The following EYS variants were observed in gnomAD, a reference collection of about 807,000 sequenced individuals.
EYS encodes EGF-like photoreceptor maintenance factor.
In EYS, 250 loss-of-function variants were observed where a neutral mutation model predicts 282.1. The ratio of observed to expected loss-of-function variants is 0.89; its 90% CI spans 0.80 to 0.98. The LOEUF (loss-of-function observed/expected upper bound fraction) is 0.98, where lower values mean the gene tolerates loss of function less well. EYS is among the 50% of genes least tolerant of loss of function. The probability of loss-of-function intolerance (pLI) is 0.00; values close to 1 mark genes in which losing one functional copy is unlikely to be tolerated. For missense variants in EYS, 4,016 were observed against 3,709.0 expected, an observed-to-expected ratio of 1.08 and a Z score of -2.15; for synonymous variants, 1,355 against 1,282.9, an observed-to-expected ratio of 1.06 and a Z score of -1.20.
rs117114526 is a variant in EYS at position 65,213,373 on chromosome 6, C to T, written c.2023+82490G>A. On this transcript the variant is annotated intron_variant, in intron 12 of 42. Coordinates refer to ENST00000503581, the MANE Select transcript of EYS (RefSeq NM_001142800.2). The stretch of plus-strand genomic sequence containing the variant: ...CCTTTGTTTTTACAATACAGACATG[C>T]CTTGTTTTATTATTCTTTGCTTAAT... Among the ~76,000 whole-genome samples, 163 of 152,188 alleles carry T rather than the reference C, an allele frequency of 1.1e-3. 1 individual carries two copies. In the East Asian group the frequency reaches 0.028, roughly 26 times the overall value.
chr6:64,871,887 G>A (rs1319008993), intron 19 of EYS, among the ~76,000 whole-genome samples: 1 of 151,950 alleles, frequency 6.6e-6, no homozygotes, highest in Non-Finnish European at 1.5e-5. Flanking sequence ...AGCCAACCAA[G>A]GATTGACAAC....
At chr6:65,699,432 C>CAA (rs138706833) in intron 1 of EYS, among the ~76,000 whole-genome samples, 4 of 145,086 alleles carry the variant, frequency 2.8e-5, no homozygotes, top group South Asian at 4.4e-4. Context: ...AATTACAAAA[C>CAA]AAAAAAAAAA....
At chr6:64,370,121 T>C (rs1772315936) in intron 29 of EYS, among the ~76,000 whole-genome samples, 1 of 152,096 alleles carries the variant, frequency 6.6e-6, no homozygotes, top group African/African-American at 2.4e-5. Context: ...TCAAGGGGAT[T>C]ATTTCCAGCT....
chr6:64,863,852 A>G (rs1298949632), intron 19 of EYS, among the ~76,000 whole-genome samples: 1 of 151,988 alleles, frequency 6.6e-6, no homozygotes, highest in Non-Finnish European at 1.5e-5. Flanking sequence ...TTAAATTATT[A>G]TTTTTTTCCT....
chr6:64,925,504 G>C (rs1413197556), intron 15 of EYS, among the ~76,000 whole-genome samples: 1 of 152,170 alleles, frequency 6.6e-6, no homozygotes, highest in Non-Finnish European at 1.5e-5. Flanking sequence ...TAATGAGCAA[G>C]GGTGGTGTGA....
chr6:63,994,954 A>G (rs1345375912), intron 34 of EYS, among the ~76,000 whole-genome samples: 1 of 151,980 alleles, frequency 6.6e-6, no homozygotes, highest in African/African-American at 2.4e-5. Context: ...AAAATGCTTC[A>G]TTAGTTTTGA....
chr6:65,663,664 A>T (rs1206937679), intron 1 of EYS, among the ~76,000 whole-genome samples: 1 of 151,910 alleles, frequency 6.6e-6, no homozygotes, highest in Non-Finnish European at 1.5e-5. Flanking sequence ...CATCATTAGT[A>T]GATAAAATCT....
intron 9 of EYS, among the ~76,000 whole-genome samples, chr6:65,346,406 G>GAAAAAAAAAA (rs750357736): frequency 8.7e-6 from 1 of 114,370 alleles, no homozygotes. Context: ...TACCCTTATT[G>GAAAAAAAAAA]AAAAAAAAAA....
At chr6:65,035,353 A>C (rs1370824799) in intron 13 of EYS, among the ~76,000 whole-genome samples, 1 of 152,106 alleles carries the variant, frequency 6.6e-6, no homozygotes, top group East Asian at 1.9e-4. Context: ...TAGTCAGAGC[A>C]ATCAGTCAAG....
chr6:64,837,262 G>T (rs1334907425), intron 19 of EYS, among the ~76,000 whole-genome samples: 2 of 151,364 alleles, frequency 1.3e-5, no homozygotes, highest in Non-Finnish European at 3.0e-5. Context: ...TGCTTAAAAA[G>T]CACTTGATAT....
In EYS at chr6:63,806,325, A is replaced by C; in HGVS notation, c.7276T>G (p.Tyr2426Asp). Residue 2426 changes from tyrosine (Y) to aspartate (D), a missense_variant, in exon 37 of 43, where the codon TAC (tyrosine) becomes GAC (aspartate). By Grantham distance (160) the Tyr-to-Asp change is radical. Coordinates refer to ENST00000503581, the MANE Select transcript of EYS (RefSeq NM_001142800.2). ...CGTGAATAAGCCAGGAATGAGGTGT[A>C]TCCAAAGGCATCTGTGCCACTGAAC... The part of the protein sequence containing the change: ...PRFSGTDAFG[Y>D]TSFLAYSRIS... 7 of 1,551,230 alleles carry C rather than the reference A, an allele frequency of 4.5e-6. No homozygotes were observed. The highest frequency in any genetic ancestry group is 5.2e-6 in the Non-Finnish European group (6 of 1,146,564).
chr6:65,263,841 T>A (rs759091366), intron 12 of EYS, among the ~76,000 whole-genome samples: 1 of 151,758 alleles, frequency 6.6e-6, no homozygotes, highest in African/African-American at 2.4e-5. Context: ...TTCAAAACTT[T>A]AAGGTGCTAT....
chr6:64,822,523 G>T, intron 20 of EYS, 128 bp downstream of exon 20: 1 of 755,172 alleles, frequency 1.3e-6, no homozygotes, highest in Non-Finnish European at 2.1e-6. Flanking sequence ...CATCTTAAAT[G>T]TACTTAGCTC....
intron 26 of EYS, among the ~76,000 whole-genome samples, chr6:64,534,297 A>T (rs1331314920): frequency 2.6e-5 from 4 of 151,410 alleles, no homozygotes; most frequent in African/African-American, 9.7e-5. Flanking sequence ...CTTTTTTTTT[A>T]ATTTGAATTT....
chr6:65,032,285 T>C (rs1772629668), intron 13 of EYS, among the ~76,000 whole-genome samples: 1 of 152,154 alleles, frequency 6.6e-6, no homozygotes, highest in Non-Finnish European at 1.5e-5. Flanking sequence ...ACCAGATGTA[T>C]TCAGAGGTGA....
At chr6:65,457,938 T>G (rs1764687920) in intron 5 of EYS, among the ~76,000 whole-genome samples, 1 of 152,158 alleles carries the variant, frequency 6.6e-6, no homozygotes, top group Non-Finnish European at 1.5e-5. Flanking sequence ...CCACTATTTC[T>G]GCCTACCCTC....
chr6:64,764,343 G>A (rs536667696), intron 22 of EYS, among the ~76,000 whole-genome samples: 31 of 152,338 alleles, frequency 2.0e-4, no homozygotes, highest in African/African-American at 4.8e-4. Flanking sequence ...CCAACACCAC[G>A]TGGAAGCTGC....
At chr6:65,589,706 C>A (rs995734287) in intron 2 of EYS, among the ~76,000 whole-genome samples, 1 of 151,846 alleles carries the variant, frequency 6.6e-6, no homozygotes, top group African/African-American at 2.4e-5. Context: ...TAAATTAAAT[C>A]TTAAAAGTAC....
chr6:64,151,606 C>T (rs922504454), intron 31 of EYS, among the ~76,000 whole-genome samples: 7 of 151,582 alleles, frequency 4.6e-5, no homozygotes, highest in East Asian at 1.9e-4. Flanking sequence ...GTGATCCACC[C>T]GCCTCAGCCT....
Sources: allele counts gnomAD v4.1 joint callset (sites outside exome capture counted in the v4.1 genomes callset), GRCh38; gene constraint gnomAD v4.1.1; transcripts MANE v1.5; gene names NCBI Gene and HGNC (gene_info 2026-07-23, HGNC 2026-07-21).